CCSER1: variants seen among roughly 807,000 people sequenced by gnomAD.
CCSER1 encodes serine-rich coiled-coil domain-containing protein 1.
In CCSER1, 41 loss-of-function variants were observed where a neutral mutation model predicts 82.0. The ratio of observed to expected loss-of-function variants is 0.50; its 90% CI spans 0.39 to 0.65. The LOEUF (loss-of-function observed/expected upper bound fraction) is 0.65, where lower values mean the gene tolerates loss of function less well. Ranked by LOEUF, CCSER1 falls within the 30% of genes least tolerant of loss-of-function variation. The pLI is 0.00. For missense variants in CCSER1, 1,119 were observed against 1,064.2 expected, an observed-to-expected ratio of 1.05 and a Z score of -0.72; for synonymous variants, 414 against 383.9, an observed-to-expected ratio of 1.08 and a Z score of -0.92.
intron 10 of CCSER1, among the ~76,000 whole-genome samples, chr4:91,554,041 G>A (rs1191065597): frequency 6.8e-6 from 1 of 147,854 alleles, no homozygotes; most frequent in Non-Finnish European, 1.5e-5. Flanking sequence ...TTCCTTCTTA[G>A]AAATGCTTTC....
intron 10 of CCSER1, among the ~76,000 whole-genome samples, chr4:91,382,054 G>A (rs894301125): frequency 1.3e-5 from 2 of 152,314 alleles, no homozygotes; most frequent in East Asian, 3.9e-4. Flanking sequence ...GTCAGCAGTG[G>A]AGGCTGCCGA....
chr4:90,669,798 A>C (rs1193136313), intron 6 of CCSER1, among the ~76,000 whole-genome samples: 1 of 152,156 alleles, frequency 6.6e-6, no homozygotes. Context: ...ATTAATACTC[A>C]TGCACTTACA....
chr4:90,863,357 C>G (rs1277422885), intron 8 of CCSER1, among the ~76,000 whole-genome samples: 2 of 151,840 alleles, frequency 1.3e-5, no homozygotes, highest in Non-Finnish European at 2.9e-5. Context: ...CTGTAATATT[C>G]AAACAAACAT....
intron 5 of CCSER1, among the ~76,000 whole-genome samples, chr4:90,554,710 G>T (rs977985653): frequency 6.6e-6 from 1 of 152,176 alleles, no homozygotes; most frequent in African/African-American, 2.4e-5. Context: ...AGTGTGTAAG[G>T]GAACTTATCT....
intron 9 of CCSER1, among the ~76,000 whole-genome samples, chr4:91,020,454 A>T (rs573611806): frequency 2.0e-5 from 3 of 152,248 alleles, no homozygotes; most frequent in Admixed American, 2.0e-4. Flanking sequence ...CGAGGTCAGG[A>T]GATTGAAACC....
intron 7 of CCSER1, among the ~76,000 whole-genome samples, chr4:90,762,035 T>C (rs901840294): frequency 6.6e-6 from 1 of 152,138 alleles, no homozygotes; most frequent in South Asian, 2.1e-4. Flanking sequence ...ACTACCAACA[T>C]ATGAAAAGCT....
At chr4:91,218,159 G>A (rs532301152) in intron 10 of CCSER1, among the ~76,000 whole-genome samples, 3 of 152,354 alleles carry the variant, frequency 2.0e-5, no homozygotes, top group African/African-American at 7.2e-5. Context: ...GCACAGCACG[G>A]TGGGCCGGCA....
chr4:90,965,684 G>A (rs1178870300), intron 9 of CCSER1, among the ~76,000 whole-genome samples: 2 of 151,928 alleles, frequency 1.3e-5, no homozygotes, highest in Non-Finnish European at 2.9e-5. Context: ...GCAACAACAA[G>A]CCATGTGAAA....
At chr4:90,693,285 CAG>C (rs1736366228) in intron 6 of CCSER1, 2 of 151,996 alleles carry the variant, frequency 1.3e-5, no homozygotes, top group Admixed American at 6.6e-5. Flanking sequence ...TTTCCATTAA[CAG>C]ATGTGAAATT....
rs115793975 is a variant in CCSER1 at position 90,769,132 on chromosome 4, A to T, written c.2010+45141A>T. Among the ~76,000 whole-genome samples, 729 of 152,318 alleles carry T rather than the reference A, an allele frequency of 4.8e-3. 7 individuals carry two copies. The highest frequency in any genetic ancestry group is 0.017 in the African/African-American group (692 of 41,586). ...CCTCTGTGTCCTCTGAAACATTATT[A>T]TAGCTTCTAGAAAGTTTAAAGACAT... On this transcript the variant is annotated intron_variant, in intron 7 of 10. Coordinates refer to ENST00000509176, the MANE Select transcript of CCSER1 (RefSeq NM_001145065.2).
intron 10 of CCSER1, among the ~76,000 whole-genome samples, chr4:91,557,470 C>T (rs530141223): frequency 6.6e-6 from 1 of 151,442 alleles, no homozygotes; most frequent in South Asian, 2.1e-4. Context: ...ATAATCTAGA[C>T]TCTGATCCTA....
At chr4:90,349,378 A>T (rs1193342913) in intron 3 of CCSER1, among the ~76,000 whole-genome samples, 2 of 152,174 alleles carry the variant, frequency 1.3e-5, no homozygotes, top group Non-Finnish European at 2.9e-5. Flanking sequence ...ATAATAAAAT[A>T]AAGTAATTGT....
intron 5 of CCSER1, among the ~76,000 whole-genome samples, chr4:90,615,069 G>A (rs1322768148): frequency 1.3e-5 from 2 of 152,110 alleles, no homozygotes; most frequent in African/African-American, 4.8e-5. Context: ...ATGAAGCAAC[G>A]AAGCATAGAT....
At position 91,256,688 on chromosome 4, in the gene CCSER1, A is replaced by T. The variant is rs190548893; in HGVS notation, c.2217+170694A>T. ...CCCCTGATACCAGAGAAGCAGTTAAATTATTCAACTTTATTGCCATGTAGG... is the reference window on the plus strand; with the variant it reads ...CCCCTGATACCAGAGAAGCAGTTAATTTATTCAACTTTATTGCCATGTAGG... On this transcript the variant is annotated intron_variant, in intron 10 of 10. Transcript: ENST00000509176. Among the ~76,000 whole-genome samples, 482 of 152,334 alleles carry T rather than the reference A, an allele frequency of 3.2e-3. 2 individuals are homozygous for T. The highest frequency in any genetic ancestry group is 0.011 in the African/African-American group (462 of 41,578).
intron 10 of CCSER1, among the ~76,000 whole-genome samples, chr4:91,437,886 G>A (rs914901981): frequency 6.6e-6 from 1 of 152,212 alleles, no homozygotes; most frequent in African/African-American, 2.4e-5. Flanking sequence ...TGCTAGCACA[G>A]CAGTCTGAGA....
At chr4:91,385,205 G>C (rs1333573696) in intron 10 of CCSER1, among the ~76,000 whole-genome samples, 1 of 151,818 alleles carries the variant, frequency 6.6e-6, no homozygotes, top group African/African-American at 2.4e-5. Context: ...ATAAACTATG[G>C]TAAAAACATA....
intron 10 of CCSER1, 28 bp downstream of exon 10, chr4:91,086,022 G>C: frequency 3.8e-6 from 5 of 1,309,048 alleles, no homozygotes; most frequent in Non-Finnish European, 5.4e-6. Flanking sequence ...AGAGGGGTGG[G>C]AAAAAGAGGA....
intron 9 of CCSER1, among the ~76,000 whole-genome samples, chr4:91,061,362 G>C (rs561095844): frequency 6.6e-6 from 1 of 151,852 alleles, no homozygotes; most frequent in East Asian, 1.9e-4. Flanking sequence ...GCTTCAAACT[G>C]ACTTAATCCG....
chr4:91,550,191 C>T (rs2110221028), intron 10 of CCSER1, among the ~76,000 whole-genome samples: 1 of 152,298 alleles, frequency 6.6e-6, no homozygotes, highest in South Asian at 2.1e-4. Context: ...TATTTCCAAA[C>T]TTTCCTTTTT....
Sources: gnomAD v4.1 joint callset for allele counts (sites outside exome capture counted in the v4.1 genomes callset) on GRCh38, gnomAD v4.1.1 for gene constraint, MANE v1.5 for transcripts, NCBI Gene and HGNC (gene_info 2026-07-23, HGNC 2026-07-21) for gene names.